Variants in CPNE2 observed in about 807,000 individuals in gnomAD.
The protein encoded by CPNE2 is copine 2.
In CPNE2, 42 loss-of-function variants were observed where a neutral mutation model predicts 69.7. That is an observed-to-expected ratio of 0.60 (90% CI 0.47 to 0.78). The LOEUF (loss-of-function observed/expected upper bound fraction) is 0.78, where lower values mean the gene tolerates loss of function less well. Ranked by LOEUF, CPNE2 falls within the 30% of genes least tolerant of loss-of-function variation. The probability of loss-of-function intolerance (pLI) is 0.00; values close to 1 mark genes in which losing one functional copy is unlikely to be tolerated. For synonymous variants in CPNE2, 294 were observed against 289.8 expected (o/e 1.01, Z -0.15); for missense variants, 587 against 732.0 (o/e 0.80, Z 2.29).
chr16:57,110,217 T>C (rs552831060), intron 1 of CPNE2, among the ~76,000 whole-genome samples: 2 of 127,146 alleles, frequency 1.6e-5, no homozygotes, highest in East Asian at 2.3e-4. Context: ...CTTTTTTCTT[T>C]TCTTTTCTTT....
intron 1 of CPNE2, among the ~76,000 whole-genome samples, chr16:57,102,596 T>C (rs2069621488): frequency 6.6e-6 from 1 of 151,922 alleles, no homozygotes; most frequent in Non-Finnish European, 1.5e-5. Context: ...TTTGTTTTTA[T>C]TTATTTCTCT....
rs917878583 is a variant in CPNE2, at chr16:57,148,299, A to G, written c.*641A>G. 2.0e-5 allele frequency: 3 copies of G among 152,260 alleles called. No homozygotes were observed. Among genetic ancestry groups the G allele is most frequent in the Non-Finnish European group, 4.4e-5 (3 of 68,042 alleles). The allele number at this position is 152,260 out of a possible 1,614,324, so 9.4% of individuals were successfully genotyped here. A position where few individuals can be genotyped will look rare whatever the true frequency, so the allele number is the denominator to read the frequency against. On this transcript the variant is annotated 3_prime_UTR_variant, in exon 16 of 16. Transcript: ENST00000290776. ...AAATCACTGCCAGTTAACAGTGATAACCTGTTAAACTGGCACAGAACCTGG... is the reference window on the plus strand; with the variant it reads ...AAATCACTGCCAGTTAACAGTGATAGCCTGTTAAACTGGCACAGAACCTGG...
intron 4 of CPNE2, among the ~76,000 whole-genome samples, chr16:57,116,562 A>C (rs1255807805): frequency 6.6e-6 from 1 of 152,184 alleles, no homozygotes; most frequent in African/African-American, 2.4e-5. Flanking sequence ...TGAATGAATG[A>C]ATGAATGAAT....
At chr16:57,121,250 C>T in intron 8 of CPNE2, 59 bp downstream of exon 8, 1 of 1,498,372 alleles carries the variant, frequency 6.7e-7, no homozygotes, top group South Asian at 1.2e-5. Flanking sequence ...GGAAGGGGCA[C>T]CGGGTCTTGG....
Position 57,147,714 on chromosome 16 carries a change from A to G in CPNE2, c.*56A>G. On this transcript the variant is annotated 3_prime_UTR_variant, in exon 16 of 16. Transcript: ENST00000290776. The stretch of plus-strand genomic sequence containing the variant: ...GAGCCTCCTGCCCTCCCCCAGGAAC[A>G]TGCACGCTCACTCTGCTTCCTTGTG... 8.4e-7 allele frequency: 1 copy of G among 1,192,496 alleles called. No individual in the cohort carries two copies. The highest frequency in any genetic ancestry group is 1.5e-5 in the African/African-American group (1 of 65,582). The allele number at this position is 1,192,496 out of a possible 1,614,324, so 73.9% of individuals were successfully genotyped here.
intron 1 of CPNE2, among the ~76,000 whole-genome samples, chr16:57,105,446 T>A (rs1213822959): frequency 2.0e-5 from 3 of 150,546 alleles, no homozygotes; most frequent in African/African-American, 7.5e-5. Context: ...TTTTTTTTTT[T>A]AACTTTTAAG....
intron 13 of CPNE2, among the ~76,000 whole-genome samples, chr16:57,135,212 T>C (rs1457310019): frequency 6.6e-6 from 1 of 152,138 alleles, no homozygotes; most frequent in East Asian, 1.9e-4. Flanking sequence ...ACACCTGCTT[T>C]CACCTCCTTC....
At chr16:57,136,607 C>T (rs2069883409) in intron 13 of CPNE2, among the ~76,000 whole-genome samples, 1 of 152,180 alleles carries the variant, frequency 6.6e-6, no homozygotes, top group Admixed American at 6.5e-5. Flanking sequence ...GCCCCAGGTC[C>T]CACAGCTAAG....
intron 12 of CPNE2, among the ~76,000 whole-genome samples, chr16:57,132,405 G>A (rs1426114081): frequency 6.6e-6 from 1 of 152,188 alleles, no homozygotes; most frequent in Non-Finnish European, 1.5e-5. Flanking sequence ...TACTCTGCAG[G>A]TGGGGAAACT....
intron 9 of CPNE2, among the ~76,000 whole-genome samples, chr16:57,122,905 CTTTT>C (rs34556326): frequency 2.1e-5 from 3 of 145,580 alleles, no homozygotes; most frequent in Non-Finnish European, 3.0e-5. Flanking sequence ...TTTCTTTTCT[CTTTT>C]TTTTTTTTTT....
intron 11 of CPNE2, among the ~76,000 whole-genome samples, chr16:57,126,426 A>G (rs937892391): frequency 6.6e-6 from 1 of 150,760 alleles, no homozygotes; most frequent in Non-Finnish European, 1.5e-5. Context: ...TCTCGCTTCT[A>G]TTGGGAACTT....
intron 1 of CPNE2, among the ~76,000 whole-genome samples, chr16:57,103,424 T>C (rs557114429): frequency 6.6e-6 from 1 of 152,334 alleles, no homozygotes; most frequent in African/African-American, 2.4e-5. Flanking sequence ...ACACCTGGCC[T>C]GTTTTTCCCT....
At position 57,092,915 on chromosome 16, in the gene CPNE2, C is replaced by T. The variant is rs2069553238; in HGVS notation, c.-36+125C>T. On this transcript the variant is annotated intron_variant, in intron 1 of 15. Coordinates refer to ENST00000290776, the MANE Select transcript of CPNE2 (RefSeq NM_152727.6). This position sits in a 1 kb window ranked among gnomAD's most constrained non-coding sequence, Gnocchi z 5.3. Reference sequence around the variant, plus strand: ...GGTTCCGCCTCGGGGGGCTGCGGCGCTCTAGCCCCCGCCGCCAGCGCGAAC... The same window carrying T: ...GGTTCCGCCTCGGGGGGCTGCGGCGTTCTAGCCCCCGCCGCCAGCGCGAAC... The T allele has an allele frequency of 6.6e-6, 1 of 152,108 alleles. No homozygotes were observed. Among genetic ancestry groups the T allele is most frequent in the African/African-American group, 2.4e-5 (1 of 41,516 alleles). 9.4% of individuals were successfully genotyped at this position (152,108 alleles called of 1,614,324 possible).
chr16:57,147,485 C>T, intron 15 of CPNE2, 66 bp from the exon 16 acceptor site: 2 of 1,230,824 alleles, frequency 1.6e-6, no homozygotes, highest in Non-Finnish European at 1.1e-6. Context: ...CATAGTGCCG[C>T]TCACAACTTC....
At chr16:57,116,323 G>C (rs540706765) in intron 4 of CPNE2, among the ~76,000 whole-genome samples, 9 of 152,024 alleles carry the variant, frequency 5.9e-5, no homozygotes, top group African/African-American at 2.2e-4. Context: ...CTCTTACTCT[G>C]TTCCTGCCCC....
chr16:57,113,152 T>G, intron 2 of CPNE2, 136 bp from the exon 3 acceptor site: 3 of 745,256 alleles, frequency 4.0e-6, no homozygotes, highest in Non-Finnish European at 4.4e-6. Context: ...CTGGGGATAG[T>G]GAGTCACTGA....
intron 12 of CPNE2, among the ~76,000 whole-genome samples, chr16:57,131,951 C>T (rs2069841597): frequency 6.6e-6 from 1 of 152,190 alleles, no homozygotes; most frequent in African/African-American, 2.4e-5. Context: ...TGCCCAGAGC[C>T]CTGCCCTCAT....
intron 9 of CPNE2, 82 bp downstream of exon 9, chr16:57,121,842 C>A: frequency 7.6e-7 from 1 of 1,323,402 alleles, no homozygotes; most frequent in African/African-American, 1.5e-5. Context: ...GGATCTGGAG[C>A]CAGCGAGGCC....
chr16:57,099,020 C>A (rs1418982090), intron 1 of CPNE2, among the ~76,000 whole-genome samples: 1 of 152,160 alleles, frequency 6.6e-6, no homozygotes, highest in Non-Finnish European at 1.5e-5. Context: ...CAGTCAATGA[C>A]TGTTCACAAA....
Sources: allele counts gnomAD v4.1 joint callset (sites outside exome capture counted in the v4.1 genomes callset), GRCh38; gene constraint gnomAD v4.1.1; non-coding constraint Gnocchi (gnomAD v3.1); transcripts MANE v1.5; gene names NCBI Gene and HGNC (gene_info 2026-07-23, HGNC 2026-07-21).